The following TAF1 variants were observed in gnomAD, a reference collection of about 807,000 sequenced individuals.
TAF1 encodes transcription initiation factor TFIID subunit 1.
Under a neutral mutation model 138.5 loss-of-function variants are expected in TAF1, and 2 were observed. That is an observed-to-expected ratio of 0.01 (90% confidence interval 0.01 to 0.05). The LOEUF (loss-of-function observed/expected upper bound fraction) is 0.05. Among genes scored for constraint, TAF1 ranks in the 10% least tolerant of loss-of-function variants. TAF1 has a pLI of 1.00. For synonymous variants in TAF1, 437 were observed against 503.2 expected (o/e 0.87, Z 1.76); for missense variants, 709 against 1,478.0 (o/e 0.48, Z 8.53).
At chrX:71,462,088 C>A (rs762279399) in intron 37 of TAF1, among the ~76,000 whole-genome samples, 1 of 111,132 alleles carries the variant, frequency 9.0e-6, no homozygotes, top group East Asian at 2.8e-4. Context: ...ATCTATAATT[C>A]ATGTGATAGA....
intron 28 of TAF1, among the ~76,000 whole-genome samples, chrX:71,420,751 G>A (rs1170609253): frequency 8.9e-6 from 1 of 112,925 alleles, no homozygotes; most frequent in Admixed American, 9.3e-5. Flanking sequence ...TGGAGCTCCC[G>A]TGGGGGTGGG....
intron 13 of TAF1, among the ~76,000 whole-genome samples, chrX:71,494,825 A>C (rs909388621): frequency 8.9e-6 from 1 of 112,227 alleles, no homozygotes; most frequent in Non-Finnish European, 1.9e-5. Flanking sequence ...CTTCCACTGC[A>C]TGGAAGGGGA....
chrX:71,370,930 A>G (rs1481884178), intron 3 of TAF1, among the ~76,000 whole-genome samples: 2 of 112,197 alleles, frequency 1.8e-5, no homozygotes, highest in Non-Finnish European at 3.8e-5. Context: ...ACAATTATTC[A>G]TAGTAAGACA....
At position 71,372,229 on chromosome X, in the gene TAF1, C is replaced by T. The variant is rs149299657; in HGVS notation, c.353-2938C>T. 6.0e-3 allele frequency among the ~76,000 whole-genome samples: 654 copies of T among 109,736 alleles called. 2 individuals carry two copies. Among genetic ancestry groups the T allele is most frequent in the African/African-American group, 0.021 (623 of 30,194 alleles). On this transcript the variant is annotated intron_variant, in intron 3 of 37. Coordinates refer to ENST00000423759, the MANE Select transcript of TAF1 (RefSeq NM_004606.5). ...GACGGATAACTTGAGGTCAGGAGTTCGAGTCCAGCCTGACCAACATGGTGA... is the reference window on the plus strand; with the variant it reads ...GACGGATAACTTGAGGTCAGGAGTTTGAGTCCAGCCTGACCAACATGGTGA...
At chrX:71,508,522 T>C (rs2039672275) in intron 13 of TAF1, among the ~76,000 whole-genome samples, 1 of 104,856 alleles carries the variant, frequency 9.5e-6, no homozygotes, top group Non-Finnish European at 1.9e-5. Flanking sequence ...GGAGGATTGC[T>C]TGAGCCCAGG....
chrX:71,476,088 C>G (rs2038975469), intron 13 of TAF1, among the ~76,000 whole-genome samples: 1 of 111,622 alleles, frequency 9.0e-6, no homozygotes, highest in Non-Finnish European at 1.9e-5. Flanking sequence ...GAACCGTGAG[C>G]CAATTAAACC....
intron 13 of TAF1, among the ~76,000 whole-genome samples, chrX:71,523,180 CAAAA>C (rs754302629): frequency 6.5e-5 from 1 of 15,376 alleles, no homozygotes; most frequent in East Asian, 1.6e-3. Context: ...GACTCCCTCT[CAAAA>C]AAAAAAAAAA....
At chrX:71,456,285 A>T (rs1239609869) in intron 34 of TAF1, among the ~76,000 whole-genome samples, 1 of 111,890 alleles carries the variant, frequency 8.9e-6, no homozygotes, top group Non-Finnish European at 1.9e-5. Flanking sequence ...AGACTACCTC[A>T]AATGGCTAAG....
chrX:71,452,153 G>C (rs1265495337), intron 32 of TAF1, among the ~76,000 whole-genome samples: 5 of 106,863 alleles, frequency 4.7e-5, no homozygotes, highest in African/African-American at 1.7e-4. Context: ...CTGGCCGGGC[G>C]GGGGGCTGAC....
intron 13 of TAF1, among the ~76,000 whole-genome samples, chrX:71,509,441 CCA>C (rs775400875): frequency 3.9e-3 from 436 of 111,330 alleles, no homozygotes; most frequent in African/African-American, 0.014. Flanking sequence ...AAAGATAACT[CCA>C]GTTTCCTGTT....
At chrX:71,503,308 A>ATATGTGTG (rs2039551015) in intron 13 of TAF1, among the ~76,000 whole-genome samples, 3 of 95,730 alleles carry the variant, frequency 3.1e-5, no homozygotes, top group Admixed American at 1.2e-4. Flanking sequence ...GTATATATAT[A>ATATGTGTG]TATATATATA....
chrX:71,508,086 C>CTCTCTCTCTA (rs4040068), intron 13 of TAF1, among the ~76,000 whole-genome samples: 64 of 92,171 alleles, frequency 6.9e-4, no homozygotes, highest in African/African-American at 2.2e-3. Context: ...CTCTCTCTCT[C>CTCTCTCTCTA]TATATATATA....
chrX:71,449,042 G>A (rs2148770647), intron 32 of TAF1, among the ~76,000 whole-genome samples: 1 of 107,677 alleles, frequency 9.3e-6, no homozygotes, highest in African/African-American at 3.4e-5. Flanking sequence ...GCCCAGGCTG[G>A]AGTTCAATGG....
Position 71,511,888 on chromosome X carries a change from C to T in TAF1, c.1367-16654C>T, listed in dbSNP as rs776398903. Reference sequence around the variant, plus strand: ...AAAATTAGCCAGGCATGGTGGCACACGCCTGTAGTCTCAGCTACTCAGGAG... The same window carrying T: ...AAAATTAGCCAGGCATGGTGGCACATGCCTGTAGTCTCAGCTACTCAGGAG... On this transcript the variant is annotated intron_variant and NMD_transcript_variant, in intron 13 of 14. Transcript: ENST00000373775. Among the ~76,000 whole-genome samples the T allele has an allele frequency of 1.1e-4, 12 of 110,158 alleles. 1 individual carries two copies. The highest frequency in any genetic ancestry group is 7.8e-4 in the South Asian group (2 of 2,573).
intron 3 of TAF1, among the ~76,000 whole-genome samples, chrX:71,372,978 G>A (rs946889260): frequency 3.8e-5 from 4 of 105,838 alleles, no homozygotes; most frequent in African/African-American, 1.4e-4. Context: ...GCCATTATCC[G>A]GCCTCAGTCT....
intron 20 of TAF1, 128 bp from the exon 21 acceptor site, chrX:71,393,173 T>G: frequency 2.8e-6 from 3 of 1,089,154 alleles, no homozygotes; most frequent in Non-Finnish European, 3.6e-6. Flanking sequence ...TGATTTTTCT[T>G]TTTTGGTCTA....
intron 13 of TAF1, among the ~76,000 whole-genome samples, chrX:71,507,566 A>C (rs1043774594): frequency 9.2e-6 from 1 of 108,144 alleles, no homozygotes. Flanking sequence ...CATCAAATGC[A>C]TAGAGGAAGC....
At chrX:71,396,655 G>T (rs2034869711) in intron 22 of TAF1, among the ~76,000 whole-genome samples, 1 of 111,849 alleles carries the variant, frequency 8.9e-6, no homozygotes, top group Non-Finnish European at 1.9e-5. Flanking sequence ...CTCTTGCACT[G>T]TTGTTCAGAG....
Position 71,397,305 on chromosome X carries a change from C to T in TAF1, c.3459C>T (p.Ser1153=), listed in dbSNP as rs1314628439. 2 of 1,209,217 alleles carry T rather than the reference C, an allele frequency of 1.7e-6. No homozygotes were observed. The highest frequency in any genetic ancestry group is 2.3e-4 in the Middle Eastern group (1 of 4,376). The change falls in exon 23 of 38, where the codon TCC becomes TCT. Residue 1153 remains serine, a synonymous_variant. Transcript: ENST00000423759. ...ATCACAGAGATGATGACACAGCTTC[C>T]GTGACTAGCCTTAACTCTTCTGCCA... The part of the protein sequence containing the change: ...GNNHRDDDTA[S]VTSLNSSATG...
Sources: allele counts gnomAD v4.1 joint callset (sites outside exome capture counted in the v4.1 genomes callset), GRCh38; gene constraint gnomAD v4.1.1; transcripts MANE v1.5; gene names NCBI Gene and HGNC (gene_info 2026-07-23, HGNC 2026-07-21).